Variants in TMTC2 observed in about 807,000 individuals in gnomAD.
The protein encoded by TMTC2 is transmembrane O-mannosyltransferase targeting cadherins 2.
A neutral mutation model predicts 82.4 loss-of-function variants in TMTC2; 43 were observed. The ratio of observed to expected loss-of-function variants is 0.52; its 90% confidence interval spans 0.41 to 0.67. The LOEUF is 0.67. Ranked by LOEUF, TMTC2 falls within the 30% of genes least tolerant of loss-of-function variation. The pLI is 0.00. For synonymous variants in TMTC2, 408 were observed against 381.9 expected (o/e 1.07, Z -0.80); for missense variants, 919 against 1,012.4 (o/e 0.91, Z 1.25).
At chr12:82,704,830 AATT>A (rs1332194704) in intron 1 of TMTC2, among the ~76,000 whole-genome samples, 2 of 152,200 alleles carry the variant, frequency 1.3e-5, no homozygotes, top group African/African-American at 4.8e-5. Context: ...AAGCAACAAA[AATT>A]ATAAGAATAA....
chr12:83,077,373 C>T (rs1883314292), intron 11 of TMTC2, among the ~76,000 whole-genome samples: 1 of 152,102 alleles, frequency 6.6e-6, no homozygotes, highest in Non-Finnish European at 1.5e-5. Flanking sequence ...TAGTGTCTTA[C>T]ACTTAGCTCA....
chr12:82,984,716 C>T (rs1428505925), intron 7 of TMTC2, among the ~76,000 whole-genome samples: 2 of 152,094 alleles, frequency 1.3e-5, no homozygotes, highest in African/African-American at 4.8e-5. Context: ...CAATATTTAA[C>T]TTAAATATAT....
chr12:82,723,104 A>G (rs1468218496), intron 1 of TMTC2, among the ~76,000 whole-genome samples: 1 of 152,240 alleles, frequency 6.6e-6, no homozygotes, highest in Non-Finnish European at 1.5e-5. Flanking sequence ...TGCCACATCA[A>G]TAAATTAGGA....
intron 8 of TMTC2, among the ~76,000 whole-genome samples, chr12:83,020,502 A>G (rs918684022): frequency 6.6e-6 from 1 of 152,214 alleles, no homozygotes; most frequent in Non-Finnish European, 1.5e-5. Context: ...CTGTAACTTT[A>G]TTGTAAATTT....
intron 11 of TMTC2, among the ~76,000 whole-genome samples, chr12:83,093,291 AT>A (rs1420531795): frequency 1.3e-5 from 2 of 152,214 alleles, no homozygotes; most frequent in African/African-American, 4.8e-5. Flanking sequence ...TAAAAATTAC[AT>A]TTTTACATGT....
chr12:82,786,359 A>G (rs1592521051), intron 1 of TMTC2, among the ~76,000 whole-genome samples: 1 of 152,122 alleles, frequency 6.6e-6, no homozygotes, highest in Admixed American at 6.6e-5. Context: ...ATGGAAAGGT[A>G]TCACAAGGTA....
intron 1 of TMTC2, among the ~76,000 whole-genome samples, chr12:82,738,885 C>T (rs1031965641): frequency 3.3e-5 from 5 of 151,984 alleles, no homozygotes; most frequent in African/African-American, 4.8e-5. Flanking sequence ...TGATGGCTCA[C>T]GTTTGTAATC....
chr12:82,868,188 C>A (rs1220616992), intron 2 of TMTC2, among the ~76,000 whole-genome samples: 1 of 152,122 alleles, frequency 6.6e-6, no homozygotes, highest in East Asian at 1.9e-4. Flanking sequence ...ATTTTTGTAG[C>A]ATTTTCAGTA....
rs143311993 is a variant in TMTC2 at position 83,104,866 on chromosome 12, C to T, written c.2332-27344C>T. Among the ~76,000 whole-genome samples the T allele has an allele frequency of 4.6e-5, 7 of 152,316 alleles. No individual in the cohort carries two copies. In the East Asian group the frequency reaches 7.7e-4, roughly 17 times the overall value. On this transcript the variant is annotated intron_variant, in intron 11 of 11. Coordinates refer to ENST00000321196, the MANE Select transcript of TMTC2 (RefSeq NM_152588.3). ...ATGGCCAGACTACAGAATGTCCAAA[C>T]TTTTATGCTCTGCTTCCTCTTTAAA...
chr12:83,094,659 G>A (rs578078639), intron 11 of TMTC2, among the ~76,000 whole-genome samples: 1 of 152,250 alleles, frequency 6.6e-6, no homozygotes, highest in Admixed American at 6.5e-5. Flanking sequence ...AGTACAGGAG[G>A]GAAGAAAAGG....
chr12:83,035,485 G>A (rs532856238), intron 9 of TMTC2, among the ~76,000 whole-genome samples: 27 of 152,174 alleles, frequency 1.8e-4, no homozygotes, highest in Middle Eastern at 3.4e-3. Context: ...CTAGTACTCC[G>A]ATTTCTTGTT....
chr12:82,873,245 G>C (rs2137140451), intron 2 of TMTC2, among the ~76,000 whole-genome samples: 1 of 151,792 alleles, frequency 6.6e-6, no homozygotes, highest in South Asian at 2.1e-4. Flanking sequence ...GTGTGTGTGT[G>C]TGTGTAATTT....
In TMTC2 at chr12:82,896,141, T is replaced by C. The variant is rs1394793554; in HGVS notation, c.978T>C (p.Tyr326=). Residue 326 remains tyrosine (Y), a synonymous_variant, in exon 3 of 12, where the codon TAT becomes TAC. Transcript: ENST00000321196. ...FYTGLLLLAY[Y]GLKSPSVDRE... ...CTGGACTCCTTCTCCTTGCCTACTA[T>C]GGTTTGAAGAGCCCGAGCGTAGACA... The C allele has an allele frequency of 1.2e-6, 2 of 1,613,910 alleles. No homozygotes were observed. Among genetic ancestry groups the C allele is most frequent in the South Asian group, 1.1e-5 (1 of 91,082 alleles).
intron 1 of TMTC2, among the ~76,000 whole-genome samples, chr12:82,820,864 A>G (rs950273309): frequency 1.3e-5 from 2 of 152,040 alleles, no homozygotes; most frequent in African/African-American, 2.4e-5. Flanking sequence ...TTTTACAAAA[A>G]ATTTCAAAAA....
intron 1 of TMTC2, among the ~76,000 whole-genome samples, chr12:82,750,235 T>C (rs1000480518): frequency 1.7e-5 from 1 of 57,660 alleles, no homozygotes; most frequent in Non-Finnish European, 4.0e-5. Context: ...ACTCTAAAAG[T>C]TTAATCTTTT....
At chr12:82,980,381 A>G (rs1468642554) in intron 7 of TMTC2, among the ~76,000 whole-genome samples, 3 of 151,854 alleles carry the variant, frequency 2.0e-5, no homozygotes, top group Non-Finnish European at 3.0e-5. Context: ...GAAGGAAAAT[A>G]AGCATTACTT....
chr12:82,899,916 G>A (rs1385702224), intron 3 of TMTC2, among the ~76,000 whole-genome samples: 8 of 137,428 alleles, frequency 5.8e-5, no homozygotes, highest in Admixed American at 7.7e-5. Context: ...ATACATATCC[G>A]GAATATAGAT....
intron 10 of TMTC2, among the ~76,000 whole-genome samples, chr12:83,059,547 T>C (rs946891881): frequency 1.3e-5 from 2 of 151,776 alleles, no homozygotes; most frequent in African/African-American, 2.4e-5. Context: ...ATATGACATA[T>C]ATAGTAAATC....
chr12:83,128,256 C>T (rs1198330837), intron 11 of TMTC2, among the ~76,000 whole-genome samples: 1 of 152,076 alleles, frequency 6.6e-6, no homozygotes, highest in East Asian at 1.9e-4. Flanking sequence ...AATCCAACAG[C>T]CAGTTACCTG....
Sources: gnomAD v4.1 joint callset for allele counts (sites outside exome capture counted in the v4.1 genomes callset) on GRCh38, gnomAD v4.1.1 for gene constraint, MANE v1.5 for transcripts, NCBI Gene and HGNC (gene_info 2026-07-23, HGNC 2026-07-21) for gene names.